The following RBP2 variants were observed in gnomAD, a reference collection of about 807,000 sequenced individuals.
The protein encoded by RBP2 is retinol binding protein 2, also known as retinol-binding protein 2.
A neutral mutation model predicts 17.0 loss-of-function variants in RBP2; 17 were observed. The observed-to-expected ratio is 1.00, with a 90% CI of 0.68 to 1.50. RBP2 has a LOEUF of 1.50. RBP2 is among the 40% of genes most tolerant of loss of function. RBP2 has a pLI of 0.00. For synonymous variants in RBP2, 48 were observed against 57.1 expected (o/e 0.84, Z 0.72); for missense variants, 158 against 168.2 (o/e 0.94, Z 0.33).
At chr3:139,474,393 G>A (rs1933660631) in intron 1 of RBP2, among the ~76,000 whole-genome samples, 1 of 152,132 alleles carries the variant, frequency 6.6e-6, no homozygotes, top group African/African-American at 2.4e-5. Context: ...AGCCTAGAGA[G>A]GTGGGCTTTA....
chr3:139,454,762 C>T lies in RBP2; in HGVS notation c.321G>A (p.Trp107Ter). 6.2e-7 allele frequency: 1 copy of T among 1,614,202 alleles called. No individual in the cohort carries two copies. The highest frequency in any genetic ancestry group is 1.6e-4 in the Middle Eastern group (1 of 6,062). ...VQKGEKENRG[W>*]KQWIEGDKLY... ...GCTTGTCCCCCTCAATCCACTGCTT[C>T]CAGCCGCGGTTCTCCTTCTCCCCCT... The change falls in exon 3 of 4, where the codon TGG becomes TGA. Residue 107 changes from tryptophan to a stop codon, truncating the protein, a stop_gained. Coordinates refer to ENST00000232217, the MANE Select transcript of RBP2 (RefSeq NM_004164.3). LOFTEE classifies it high-confidence loss of function.
At chr3:139,464,674 A>G (rs566966135) in intron 1 of RBP2, among the ~76,000 whole-genome samples, 2 of 152,308 alleles carry the variant, frequency 1.3e-5, no homozygotes, top group East Asian at 3.9e-4. Context: ...AGGTAAAAAG[A>G]TTACATACCT....
intron 1 of RBP2, among the ~76,000 whole-genome samples, chr3:139,468,820 A>T (rs1018685792): frequency 6.6e-6 from 1 of 152,308 alleles, no homozygotes; most frequent in Non-Finnish European, 1.5e-5. Flanking sequence ...AGTCTGATTT[A>T]TAGCCAGGTG....
intron 1 of RBP2, among the ~76,000 whole-genome samples, chr3:139,465,404 A>G (rs1485613153): frequency 1.3e-5 from 2 of 152,148 alleles, no homozygotes; most frequent in African/African-American, 2.4e-5. Flanking sequence ...TTATTCTTCA[A>G]ATAAACCCAC....
Position 139,452,898 on chromosome 3 carries a change from A to G in RBP2, c.*218T>C. On this transcript the variant is annotated 3_prime_UTR_variant, in exon 4 of 4. Transcript: ENST00000232217. ...GGAGATCCATATAAAGGGTTTCAAAATATGGGAGTAATTTTTGTTTTTCCA... is the reference window on the plus strand; with the variant it reads ...GGAGATCCATATAAAGGGTTTCAAAGTATGGGAGTAATTTTTGTTTTTCCA... 3.5e-6 allele frequency: 2 copies of G among 577,288 alleles called. No individual in the cohort carries two copies. The highest frequency in any genetic ancestry group is 2.3e-5 in the South Asian group (1 of 43,794). 35.8% of individuals were successfully genotyped at this position (577,288 alleles called of 1,614,324 possible). A position where few individuals can be genotyped will look rare whatever the true frequency, so the allele number is the denominator to read the frequency against.
At chr3:139,474,718 G>A (rs563184150) in intron 1 of RBP2, among the ~76,000 whole-genome samples, 2 of 152,252 alleles carry the variant, frequency 1.3e-5, no homozygotes, top group South Asian at 2.1e-4. Flanking sequence ...ACTGGTTCAC[G>A]GTCACAGAGC....
In RBP2 at chr3:139,476,471, C is replaced by G. The variant is rs1933742340; in HGVS notation, c.-12G>C. On this transcript the variant is annotated 5_prime_UTR_variant, in exon 1 of 4. Transcript: ENST00000232217. The stretch of plus-strand genomic sequence containing the variant: ...TGGTCCCTTGTCATGGTGGTGGCCA[C>G]TGGTTCGGTGAGGGTTTGTGGTGGA... The G allele has an allele frequency of 1.9e-6, 3 of 1,613,786 alleles. No homozygotes were observed. The highest frequency in any genetic ancestry group is 2.5e-6 in the Non-Finnish European group (3 of 1,179,778).
intron 2 of RBP2, among the ~76,000 whole-genome samples, chr3:139,458,677 T>C (rs1559804608): frequency 6.6e-6 from 1 of 152,194 alleles, no homozygotes; most frequent in Admixed American, 6.5e-5. Context: ...AATTTGCCTG[T>C]TCTGGACGTC....
At chr3:139,471,815 G>A (rs1933579449) in intron 1 of RBP2, among the ~76,000 whole-genome samples, 1 of 151,952 alleles carries the variant, frequency 6.6e-6, no homozygotes, top group Non-Finnish European at 1.5e-5. Flanking sequence ...ACCTTCCCAG[G>A]GTCATTGTAA....
intron 2 of RBP2, among the ~76,000 whole-genome samples, chr3:139,455,733 C>T (rs1394640676): frequency 6.6e-6 from 1 of 152,186 alleles, no homozygotes; most frequent in African/African-American, 2.4e-5. Flanking sequence ...TACCTGCCTT[C>T]TTATCCAGAA....
At chr3:139,459,400 A>ATATGTGTGTG (rs111417242) in intron 2 of RBP2, among the ~76,000 whole-genome samples, 7,478 of 128,442 alleles carry the variant, frequency 0.058, 282 homozygotes, top group Middle Eastern at 0.14. Flanking sequence ...TACTATATAT[A>ATATGTGTGTG]TGTGTGTGTG....
Position 139,476,371 on chromosome 3 carries a change from C to T in RBP2, c.73+16G>A, listed in dbSNP as rs1576430761. 1 of 1,611,748 alleles carries T rather than the reference C, an allele frequency of 6.2e-7. No individual in the cohort carries two copies. Among genetic ancestry groups the T allele is most frequent in the East Asian group, 2.2e-5 (1 of 44,850 alleles). On this transcript the variant is annotated intron_variant, in intron 1 of 3. Coordinates refer to ENST00000232217, the MANE Select transcript of RBP2 (RefSeq NM_004164.3). ...CCAACAACAGCTACCCTCCCCATCC[C>T]CAGTCTCCTCCTTACCCAGGGCCTT...
At chr3:139,454,692 C>A (rs1271770540) in intron 3 of RBP2, 37 bp downstream of exon 3, 21 of 1,596,474 alleles carry the variant, frequency 1.3e-5, no homozygotes, top group Non-Finnish European at 1.8e-5. Flanking sequence ...CGTGTGTAAG[C>A]ACAATGGAAG....
At chr3:139,464,464 T>G (rs1232812790) in intron 1 of RBP2, among the ~76,000 whole-genome samples, 3 of 151,040 alleles carry the variant, frequency 2.0e-5, no homozygotes, top group African/African-American at 7.3e-5. Context: ...AAAAAAAAAA[T>G]CCTTCTTTGG....
intron 1 of RBP2, among the ~76,000 whole-genome samples, chr3:139,469,438 G>A (rs1248204271): frequency 6.6e-6 from 1 of 152,166 alleles, no homozygotes; most frequent in Non-Finnish European, 1.5e-5. Flanking sequence ...GGACATTAGA[G>A]TGGAGCTGAT....
intron 1 of RBP2, among the ~76,000 whole-genome samples, chr3:139,465,445 C>G (rs1282896127): frequency 6.6e-6 from 1 of 152,038 alleles, no homozygotes; most frequent in Non-Finnish European, 1.5e-5. Context: ...CTCATTTTGC[C>G]ACGGCGGAAA....
intron 1 of RBP2, among the ~76,000 whole-genome samples, chr3:139,475,245 G>A (rs1461113004): frequency 2.0e-5 from 3 of 150,806 alleles, no homozygotes; most frequent in Non-Finnish European, 4.4e-5. Context: ...GCATGAACCC[G>A]GGAGGTGGGC....
At position 139,472,235 on chromosome 3, in the gene RBP2, C is replaced by T. The variant is rs182042708; in HGVS notation, c.73+4152G>A. Among the ~76,000 whole-genome samples the T allele has an allele frequency of 3.0e-3, 451 of 152,318 alleles. 1 individual carries two copies. Among genetic ancestry groups the T allele is most frequent in the Non-Finnish European group, 5.3e-3 (362 of 68,028 alleles). On this transcript the variant is annotated intron_variant, in intron 1 of 3. Coordinates refer to ENST00000232217, the MANE Select transcript of RBP2 (RefSeq NM_004164.3). ...TCTTGTTACTATTGTTCTATTGATA[C>T]CCATAGCCCCTTTGAGCCCAAGGCA... is the stretch of plus-strand genomic sequence containing the variant.
intron 1 of RBP2, among the ~76,000 whole-genome samples, chr3:139,465,442 T>A (rs2107875916): frequency 6.6e-6 from 1 of 152,310 alleles, no homozygotes; most frequent in African/African-American, 2.4e-5. Flanking sequence ...ATCCTCATTT[T>A]GCCACGGCGG....
Sources: gnomAD v4.1 joint callset for allele counts (sites outside exome capture counted in the v4.1 genomes callset) on GRCh38, gnomAD v4.1.1 for gene constraint, MANE v1.5 for transcripts, NCBI Gene and HGNC (gene_info 2026-07-23, HGNC 2026-07-21) for gene names.